TEKT1: variants seen among roughly 807,000 people sequenced by gnomAD.
TEKT1 encodes tektin-1.
In TEKT1, 32 loss-of-function variants were observed where a neutral mutation model predicts 34.8. The observed-to-expected ratio is 0.92, with a 90% CI of 0.69 to 1.23. The LOEUF (loss-of-function observed/expected upper bound fraction) is 1.23. Ranked by LOEUF, TEKT1 falls within the 50% of genes most tolerant of loss-of-function variation. The probability of loss-of-function intolerance (pLI) is 0.00; values close to 1 mark genes in which losing one functional copy is unlikely to be tolerated. For synonymous variants in TEKT1, 207 were observed against 199.8 expected (o/e 1.04, Z -0.30); for missense variants, 492 against 518.5 (o/e 0.95, Z 0.50).
chr17:6,823,288 G>A lies in TEKT1; in HGVS notation c.191-3930C>T, dbSNP rs377406040. On this transcript the variant is annotated intron_variant, in intron 2 of 7. Transcript: ENST00000338694. ...CAGTTTTGAGCATTACAAGATTTCT[G>A]CAGCATGAATCAGCTGGCTTCTTAT... Among the ~76,000 whole-genome samples the A allele has an allele frequency of 2.0e-5, 3 of 152,230 alleles. No homozygotes were observed. The East Asian group carries it at 5.8e-4, about 29-fold the overall frequency.
chr17:6,802,856 C>T (rs375137897), intron 6 of TEKT1, among the ~76,000 whole-genome samples: 4 of 152,132 alleles, frequency 2.6e-5, no homozygotes, highest in African/African-American at 4.8e-5. Context: ...TCCATTCTAT[C>T]GTTGTTGGAC....
At position 6,798,997 on chromosome 17, in the gene TEKT1, A is replaced by G. The variant is rs1567675341; in HGVS notation, c.*1030T>C. The G allele has an allele frequency of 6.6e-6, 1 of 152,176 alleles. No homozygotes were observed. The highest frequency in any genetic ancestry group is 1.5e-5 in the Non-Finnish European group (1 of 68,034). The allele number at this position is 152,176 out of a possible 1,614,324, so 9.4% of individuals were successfully genotyped here. On this transcript the variant is annotated 3_prime_UTR_variant, in exon 8 of 8. Coordinates refer to ENST00000338694, the MANE Select transcript of TEKT1 (RefSeq NM_053285.2). ...GCAGAGTGTAGCAGCAGCTTCACAC[A>G]TGGGAGGGTGCTGAGATGGTAAGCC...
intron 2 of TEKT1, among the ~76,000 whole-genome samples, chr17:6,824,397 C>G (rs1031486903): frequency 6.6e-6 from 1 of 152,106 alleles, no homozygotes; most frequent in Non-Finnish European, 1.5e-5. Context: ...CTTCATCTCC[C>G]TCTCATCTTC....
Position 6,813,014 on chromosome 17 carries a change from G to A in TEKT1, c.669C>T (p.Thr223=). The part of the protein sequence containing the change: ...SLEDWLDFSS[T]NVEKADKQRN... ...GCTGCTTGTCAGCCTTCTCCACATT[G>A]GTGCTGGAGAAGTCCAACCAGTCTT... Residue 223 remains threonine, a synonymous_variant, in exon 6 of 8, where the codon ACC becomes ACT. Transcript: ENST00000338694. The A allele has an allele frequency of 6.2e-7, 1 of 1,614,112 alleles. No homozygotes were observed. Among genetic ancestry groups the A allele is most frequent in the South Asian group, 1.1e-5 (1 of 91,078 alleles).
At chr17:6,819,391 A>T in intron 2 of TEKT1, 33 bp from the exon 3 acceptor site, 1 of 1,587,844 alleles carries the variant, frequency 6.3e-7, no homozygotes, top group Non-Finnish European at 8.6e-7. Context: ...ACCAGGGCTA[A>T]TCTATCCCAA....
intron 3 of TEKT1, among the ~76,000 whole-genome samples, chr17:6,816,743 A>C (rs570443319): frequency 9.8e-5 from 15 of 152,320 alleles, no homozygotes; most frequent in Non-Finnish European, 4.4e-5. Flanking sequence ...TTGGGTATAT[A>C]CCCAGTAATG....
chr17:6,829,072 A>T lies in TEKT1; in HGVS notation c.190+1115T>A, dbSNP rs753689933. On this transcript the variant is annotated intron_variant, in intron 2 of 7. Coordinates refer to ENST00000338694, the MANE Select transcript of TEKT1 (RefSeq NM_053285.2). ...AGGCTGAGGCAGGAGAAGCGCTCGAACCTGGAAGGCAGAGATTGCAGTGAG... is the reference window on the plus strand; with the variant it reads ...AGGCTGAGGCAGGAGAAGCGCTCGATCCTGGAAGGCAGAGATTGCAGTGAG... Among the ~76,000 whole-genome samples the T allele has an allele frequency of 2.0e-3, 304 of 152,262 alleles. 1 individual carries two copies. The highest frequency in any genetic ancestry group is 2.4e-3 in the African/African-American group (100 of 41,554).
In TEKT1 at chr17:6,830,300, C is replaced by G. The variant is rs750224546; in HGVS notation, c.77G>C (p.Arg26Thr). Residue 26 changes from arginine (R) to threonine (T), a missense_variant, in exon 2 of 8, where the codon AGA (arginine) becomes ACA (threonine). Physicochemically the swap from Arg to Thr is moderately conservative, Grantham distance 71. Transcript: ENST00000338694. ...TGATCGGGACCTTTGAGCGTCTGCTCTGTGGTACTGGTTCTTGTTAGCAAT... is the reference window on the plus strand; with the variant it reads ...TGATCGGGACCTTTGAGCGTCTGCTGTGTGGTACTGGTTCTTGTTAGCAAT... The part of the protein sequence containing the change: ...WHIANKNQYH[R>T]ADAQRSRSER... 1 of 1,613,002 alleles carries G rather than the reference C, an allele frequency of 6.2e-7. No individual in the cohort carries two copies. The highest frequency in any genetic ancestry group is 1.1e-5 in the South Asian group (1 of 90,772).
At chr17:6,800,257 A>C (rs777008139) in intron 7 of TEKT1, 23 bp from the exon 8 acceptor site, 1 of 1,607,146 alleles carries the variant, frequency 6.2e-7, no homozygotes. Context: ...GAAGAAGAGA[A>C]GAGAATAATT....
chr17:6,800,721 C>A, intron 7 of TEKT1, 26 bp downstream of exon 7: 1 of 1,597,374 alleles, frequency 6.3e-7, no homozygotes, highest in Middle Eastern at 1.8e-4. Context: ...ACCCGAAGGC[C>A]CTCTGCCCAC....
chr17:6,829,546 G>A (rs1301731605), intron 2 of TEKT1, among the ~76,000 whole-genome samples: 1 of 135,446 alleles, frequency 7.4e-6, no homozygotes, highest in Non-Finnish European at 1.5e-5. Flanking sequence ...CAGGGTCTTG[G>A]TATATCACCC....
intron 6 of TEKT1, among the ~76,000 whole-genome samples, chr17:6,805,439 T>G (rs113398652): frequency 2.6e-5 from 4 of 152,196 alleles, no homozygotes; most frequent in Non-Finnish European, 5.9e-5. Context: ...TGATTTTTTT[T>G]GAAGGGTTTT....
chr17:6,804,519 G>T (rs1156905545), intron 6 of TEKT1, among the ~76,000 whole-genome samples: 1 of 152,208 alleles, frequency 6.6e-6, no homozygotes, highest in African/African-American at 2.4e-5. Flanking sequence ...TGGTGAGAGA[G>T]GGCATCCCTG....
Position 6,820,635 on chromosome 17 carries a change from A to G in TEKT1, c.191-1277T>C, listed in dbSNP as rs936260478. ...TTCCAACCCATCAAGTAAGCTATCAATTTTCTTTCCTCCTTGGAGATGTCT... is the reference window on the plus strand; with the variant it reads ...TTCCAACCCATCAAGTAAGCTATCAGTTTTCTTTCCTCCTTGGAGATGTCT... On this transcript the variant is annotated intron_variant, in intron 2 of 7. Coordinates refer to ENST00000338694, the MANE Select transcript of TEKT1 (RefSeq NM_053285.2). 5.3e-5 allele frequency among the ~76,000 whole-genome samples: 8 copies of G among 152,130 alleles called. No individual in the cohort carries two copies. In the East Asian group the frequency reaches 1.2e-3, roughly 22 times the overall value.
chr17:6,816,088 A>T, intron 3 of TEKT1, 126 bp from the exon 4 acceptor site: 1 of 1,322,866 alleles, frequency 7.6e-7, no homozygotes, highest in African/African-American at 1.5e-5. Flanking sequence ...CCATCCGATG[A>T]CACAGTGGGT....
At chr17:6,814,803 A>C (rs1597789722) in intron 5 of TEKT1, 1 of 176,808 alleles carries the variant, frequency 5.7e-6, no homozygotes, top group Non-Finnish European at 1.2e-5. Context: ...GCGCCACTGC[A>C]CTCCAGCCTA....
chr17:6,815,264 C>T lies in TEKT1; in HGVS notation c.528G>A (p.Lys176=). 6.2e-7 allele frequency: 1 copy of T among 1,614,218 alleles called. No homozygotes were observed. The highest frequency in any genetic ancestry group is 1.1e-5 in the South Asian group (1 of 91,088). Reference sequence around the variant, plus strand: ...CTATGGTCAGGGCCACAAACTTGTCCTTCAAATCCTTCTCAAGATTGTACT... The same window carrying T: ...CTATGGTCAGGGCCACAAACTTGTCTTTCAAATCCTTCTCAAGATTGTACT... ...SAKYNLEKDL[K]DKFVALTIDD... The change falls in exon 5 of 8, where the codon AAG becomes AAA. Residue 176 remains lysine (K), a synonymous_variant. Transcript: ENST00000338694.
chr17:6,830,521 T>C (rs1301362666), intron 1 of TEKT1, 128 bp from the exon 2 acceptor site: 4 of 699,012 alleles, frequency 5.7e-6, no homozygotes, highest in Non-Finnish European at 6.7e-6. Context: ...AATAAATCTA[T>C]CTGTGTAGCC....
intron 6 of TEKT1, among the ~76,000 whole-genome samples, chr17:6,801,702 C>T (rs983758277): frequency 5.3e-5 from 8 of 151,354 alleles, no homozygotes; most frequent in East Asian, 1.9e-4. Context: ...AGTGAGACTC[C>T]GCCTCAGAAA....
Sources: allele counts gnomAD v4.1 joint callset (sites outside exome capture counted in the v4.1 genomes callset), GRCh38; gene constraint gnomAD v4.1.1; transcripts MANE v1.5; gene names NCBI Gene and HGNC (gene_info 2026-07-23, HGNC 2026-07-21).